The following ENOSF1 variants were observed in gnomAD, a reference collection of about 807,000 sequenced individuals.
ENOSF1 encodes enolase superfamily member 1, also known as mitochondrial enolase superfamily member 1.
Under a neutral mutation model 68.2 loss-of-function variants are expected in ENOSF1, and 73 were observed. The ratio of observed to expected loss-of-function variants is 1.07; its 90% confidence interval spans 0.89 to 1.30. The LOEUF is 1.30. Ranked by LOEUF, ENOSF1 falls within the 50% of genes most tolerant of loss-of-function variation. The probability of loss-of-function intolerance (pLI) is 0.00; values close to 1 mark genes in which losing one functional copy is unlikely to be tolerated. For missense variants in ENOSF1, 589 were observed against 554.5 expected (o/e 1.06, Z -0.62); for synonymous variants, 223 against 210.4 (o/e 1.06, Z -0.52).
chr18:678,468 T>C (rs780592026), intron 12 of ENOSF1: 2 of 522,246 alleles, frequency 3.8e-6, no homozygotes, highest in Non-Finnish European at 6.8e-6. Flanking sequence ...TTAGACACTT[T>C]GAAAAAGATA....
At chr18:703,972 C>T (rs1164543605) in intron 2 of ENOSF1, among the ~76,000 whole-genome samples, 1 of 152,168 alleles carries the variant, frequency 6.6e-6, no homozygotes, top group Admixed American at 6.5e-5. Flanking sequence ...CGACATAGGA[C>T]GTGCCTGCTC....
chr18:707,863 A>G (rs1279499009), intron 1 of ENOSF1, among the ~76,000 whole-genome samples: 1 of 151,840 alleles, frequency 6.6e-6, no homozygotes, highest in Admixed American at 6.6e-5. Flanking sequence ...TATTATTATT[A>G]TTATTATTAT....
intron 15 of ENOSF1, among the ~76,000 whole-genome samples, 175 bp from the exon 16 acceptor site, chr18:674,581 C>T (rs2075285146): frequency 6.6e-6 from 1 of 152,106 alleles, no homozygotes; most frequent in Admixed American, 6.6e-5. Flanking sequence ...TGCAGTGGCG[C>T]AATCTTGGCT....
chr18:700,362 G>A (rs1568115869), intron 2 of ENOSF1, among the ~76,000 whole-genome samples: 3 of 152,164 alleles, frequency 2.0e-5, no homozygotes, highest in Non-Finnish European at 2.9e-5. Context: ...AGTGAGGTAC[G>A]TTATTATCGA....
chr18:691,391 G>A, intron 5 of ENOSF1, 115 bp from the exon 6 acceptor site: 1 of 837,210 alleles, frequency 1.2e-6, no homozygotes, highest in Admixed American at 2.5e-5. Flanking sequence ...TGTTGCCCAG[G>A]CTGGAGTGCA....
chr18:668,630 A>G (rs2074906893), downstream of ENOSF1, among the ~76,000 whole-genome samples: 1 of 152,260 alleles, frequency 6.6e-6, no homozygotes, highest in Non-Finnish European at 1.5e-5. Context: ...ATGGAATACT[A>G]TATTCTACAT....
chr18:663,925 T>A, the ENOSF1 span, among the ~76,000 whole-genome samples: 1 of 107,200 alleles, frequency 9.3e-6, no homozygotes, highest in Non-Finnish European at 1.8e-5. Context: ...TGTAGCCTTG[T>A]AGTATAGTTT....
At chr18:676,396 G>A (rs1286201183) in intron 14 of ENOSF1, among the ~76,000 whole-genome samples, 1 of 132,368 alleles carries the variant, frequency 7.6e-6, no homozygotes, top group African/African-American at 3.0e-5. Context: ...CCCGTTCCTT[G>A]GTGCTGTTCG....
intron 1 of ENOSF1, 107 bp downstream of exon 1, chr18:712,397 A>ATGGCGTCCGCGCTTACCT (rs2079687518): frequency 1.3e-6 from 2 of 1,515,970 alleles, no homozygotes; most frequent in East Asian, 5.0e-5. Flanking sequence ...CGCGCTTACC[A>ATGGCGTCCGCGCTTACCT]TGGCGTCCGC....
intron 1 of ENOSF1, among the ~76,000 whole-genome samples, chr18:711,078 G>A (rs1008338613): frequency 3.9e-5 from 6 of 152,162 alleles, no homozygotes; most frequent in African/African-American, 1.4e-4. Flanking sequence ...GCTGAGGTGG[G>A]AGGATTGGTT....
chr18:669,634 C>A (rs1009232504), downstream of ENOSF1, among the ~76,000 whole-genome samples: 1 of 151,926 alleles, frequency 6.6e-6, no homozygotes, highest in African/African-American at 2.4e-5. Flanking sequence ...AGCCTCCCAA[C>A]CAGATGATCT....
rs896214367 is a variant in ENOSF1, at chr18:671,707, C to T, written c.*2598G>A. On this transcript the variant is annotated 3_prime_UTR_variant, in exon 16 of 16. Transcript: ENST00000647584. ...CAGAGAGGGAAGAGCCACATTCAAG[C>T]CAGGGGATTGTCCAAAAGGGGGCAT... is the stretch of plus-strand genomic sequence containing the variant. The T allele has an allele frequency of 6.0e-6, 3 of 501,288 alleles. No individual in the cohort carries two copies. In the African/African-American group the frequency reaches 6.1e-5, roughly 10 times the overall value. The allele number at this position is 501,288 out of a possible 1,614,324, so 31.1% of individuals were successfully genotyped here.
chr18:694,665 G>C (rs2077536988), intron 3 of ENOSF1, among the ~76,000 whole-genome samples: 1 of 151,588 alleles, frequency 6.6e-6, no homozygotes, highest in South Asian at 2.1e-4. Context: ...AAGATATTTA[G>C]GTCTTCCGTC....
intron 11 of ENOSF1, among the ~76,000 whole-genome samples, chr18:682,312 G>A (rs1049035078): frequency 1.3e-5 from 2 of 152,166 alleles, no homozygotes; most frequent in Non-Finnish European, 2.9e-5. Context: ...AACCTGTACA[G>A]CATGCTACTG....
chr18:670,348 T>C lies in ENOSF1; in HGVS notation c.*3957A>G, dbSNP rs2074982323. On this transcript the variant is annotated 3_prime_UTR_variant, in exon 16 of 16. Coordinates refer to ENST00000647584, the MANE Select transcript of ENOSF1 (RefSeq NM_017512.7). Reference sequence around the variant, plus strand: ...GGCCATGTAATAGAGACTTTTAATATAGGAGGGTGTACCAGAAGCACCAGT... The same window carrying C: ...GGCCATGTAATAGAGACTTTTAATACAGGAGGGTGTACCAGAAGCACCAGT... The C allele has an allele frequency of 4.8e-6, 1 of 209,404 alleles. No individual in the cohort carries two copies. Among genetic ancestry groups the C allele is most frequent in the Non-Finnish European group, 9.6e-6 (1 of 103,670 alleles). The allele number at this position is 209,404 out of a possible 1,614,324, so 13.0% of individuals were successfully genotyped here.
chr18:672,685 C>A lies in ENOSF1; in HGVS notation c.*1620G>T. 1 of 579,600 alleles carries A rather than the reference C, an allele frequency of 1.7e-6. No individual in the cohort carries two copies. Among genetic ancestry groups the A allele is most frequent in the Non-Finnish European group, 2.9e-6 (1 of 347,404 alleles). 35.9% of individuals were successfully genotyped at this position (579,600 alleles called of 1,614,324 possible). Reference sequence around the variant, plus strand: ...CTCACTCTCGATCTGTGCAAGAGAACAGCTGGTTGCGCTCCAATCATGTTA... The same window carrying A: ...CTCACTCTCGATCTGTGCAAGAGAAAAGCTGGTTGCGCTCCAATCATGTTA... On this transcript the variant is annotated 3_prime_UTR_variant, in exon 16 of 16. Transcript: ENST00000647584.
Position 677,412 on chromosome 18 carries a change from G to A in ENOSF1, c.1081C>T (p.Leu361Phe). ...ATCAGGTGCTGCACCAGTTCACAGA[G>A]GCCAACTCCACCAGCATGGGGGCAA... is the stretch of plus-strand genomic sequence containing the variant. ...PVCPHAGGVGLCELVQHLIIF... is the reference protein window; with the variant it reads ...PVCPHAGGVGFCELVQHLIIF... Residue 361 changes from leucine to phenylalanine, a missense_variant, in exon 14 of 16, where the codon CTC (leucine) becomes TTC (phenylalanine). Transcript: ENST00000647584. 3.7e-6 allele frequency: 6 copies of A among 1,613,660 alleles called. No homozygotes were observed. Among genetic ancestry groups the A allele is most frequent in the Non-Finnish European group, 5.1e-6 (6 of 1,179,926 alleles).
rs2075107574 is a variant in ENOSF1 at position 672,506 on chromosome 18, G to GT, written c.*1798dup. 1 of 169,836 alleles carries GT rather than the reference G, an allele frequency of 5.9e-6. No individual in the cohort carries two copies. The highest frequency in any genetic ancestry group is 1.7e-4 in the South Asian group (1 of 5,848). The allele number at this position is 169,836 out of a possible 1,614,324, so 10.5% of individuals were successfully genotyped here. On this transcript the variant is annotated 3_prime_UTR_variant, in exon 16 of 16. Coordinates refer to ENST00000647584, the MANE Select transcript of ENOSF1 (RefSeq NM_017512.7). ...CCTTCTTTCTGCCAGGGACAGATGG[G>GT]TTAGGGATTGTGGAATTCAAGTAAA...
downstream of ENOSF1, among the ~76,000 whole-genome samples, chr18:668,107 CAG>C (rs1345122230): frequency 2.0e-5 from 3 of 149,374 alleles, no homozygotes; most frequent in Non-Finnish European, 2.9e-5. Context: ...GTGCATTCCT[CAG>C]AGTTGTCAGA....
Sources: gnomAD v4.1 joint callset for allele counts (sites outside exome capture counted in the v4.1 genomes callset) on GRCh38, gnomAD v4.1.1 for gene constraint, MANE v1.5 for transcripts, NCBI Gene and HGNC (gene_info 2026-07-23, HGNC 2026-07-21) for gene names.